TMCO6: variants seen among roughly 807,000 people sequenced by gnomAD.
TMCO6 encodes transmembrane and coiled-coil domains 6.
Under a neutral mutation model 61.8 loss-of-function variants are expected in TMCO6, and 47 were observed. The ratio of observed to expected loss-of-function variants is 0.76; its 90% confidence interval spans 0.60 to 0.97. The LOEUF (loss-of-function observed/expected upper bound fraction) is 0.97. TMCO6 is among the 50% of genes least tolerant of loss of function. The pLI is 0.00. For missense variants in TMCO6, 557 were observed against 601.6 expected, an observed-to-expected ratio of 0.93 and a Z score of 0.78; for synonymous variants, 261 against 254.2, an observed-to-expected ratio of 1.03 and a Z score of -0.25.
At chr5:140,621,353 T>C in the TMCO6 span, among the ~76,000 whole-genome samples, 1 of 152,196 alleles carries the variant, frequency 6.6e-6, no homozygotes, top group African/African-American at 2.4e-5. Context: ...AATTAATACT[T>C]TTATAATTTC....
the TMCO6 span, among the ~76,000 whole-genome samples, chr5:140,615,528 T>C: frequency 6.6e-6 from 1 of 152,120 alleles, no homozygotes; most frequent in Non-Finnish European, 1.5e-5. Context: ...ATCTCATACA[T>C]CCTGATTTCA....
intron 2 of TMCO6, 62 bp from the exon 3 acceptor site, chr5:140,641,603 G>A: frequency 4.1e-6 from 6 of 1,448,034 alleles, no homozygotes; most frequent in Non-Finnish European, 3.8e-6. Flanking sequence ...AGTGGGCAGA[G>A]AGAGACTTAG....
At chr5:140,601,925 G>A in the TMCO6 span, among the ~76,000 whole-genome samples, 65 of 152,250 alleles carry the variant, frequency 4.3e-4, no homozygotes, top group East Asian at 4.2e-3. Context: ...ATTTTTAAGC[G>A]AATACAATAA....
chr5:140,609,781 G>T, the TMCO6 span, among the ~76,000 whole-genome samples: 1 of 151,946 alleles, frequency 6.6e-6, no homozygotes, highest in African/African-American at 2.4e-5. Flanking sequence ...ACAACATTTT[G>T]TAGTTTTAAG....
chr5:140,612,575 G>A, the TMCO6 span, among the ~76,000 whole-genome samples: 178 of 152,086 alleles, frequency 1.2e-3, 1 homozygote, highest in African/African-American at 4.0e-3. Flanking sequence ...TCGCGACCTC[G>A]TGATCCACCC....
At chr5:140,603,174 C>T in the TMCO6 span, among the ~76,000 whole-genome samples, 2 of 152,160 alleles carry the variant, frequency 1.3e-5, no homozygotes, top group Non-Finnish European at 2.9e-5. Flanking sequence ...CCTCTCTCTC[C>T]CCTCCCCAGG....
chr5:140,620,533 GATA>G, the TMCO6 span, among the ~76,000 whole-genome samples: 1 of 152,182 alleles, frequency 6.6e-6, no homozygotes, highest in African/African-American at 2.4e-5. Context: ...AACTTTGAAT[GATA>G]ATGATGTGTC....
rs776702335 is a variant in TMCO6 at position 140,642,992 on chromosome 5, C to G, written c.757C>G (p.Pro253Ala). ...QMLQPGPKLN[P>A]GVAVEFAWCL... is the part of the protein sequence containing the mutation. ...GTTGCAACCTGGCCCAAAGCTCAACCCTGGGGTCGCTGTGGAGTTTGCCTG... is the reference window on the plus strand; with the variant it reads ...GTTGCAACCTGGCCCAAAGCTCAACGCTGGGGTCGCTGTGGAGTTTGCCTG... Residue 253 changes from proline to alanine, a missense_variant, in exon 7 of 12, where the codon CCT becomes GCT. By Grantham distance (27) the Pro-to-Ala change is conservative. Transcript: ENST00000394671. 4 of 1,614,210 alleles carry G rather than the reference C, an allele frequency of 2.5e-6. No individual in the cohort carries two copies. Among genetic ancestry groups the G allele is most frequent in the Middle Eastern group, 1.7e-4 (1 of 6,060 alleles).
chr5:140,612,715 C>T, the TMCO6 span, among the ~76,000 whole-genome samples: 1 of 152,210 alleles, frequency 6.6e-6, no homozygotes, highest in African/African-American at 2.4e-5. Context: ...AATCCTGTCC[C>T]CACACTGCTG....
chr5:140,644,799 C>T, intron 11 of TMCO6, 59 bp downstream of exon 11: 2 of 1,599,016 alleles, frequency 1.3e-6, no homozygotes, highest in Non-Finnish European at 1.7e-6. Context: ...ACAGTGGCTC[C>T]CTTCCCATCC....
intron 6 of TMCO6, 88 bp from the exon 7 acceptor site, chr5:140,642,837 T>G (rs1347705540): frequency 6.2e-7 from 1 of 1,607,938 alleles, no homozygotes; most frequent in Non-Finnish European, 8.5e-7. Flanking sequence ...GGCTTTGGGT[T>G]TGGACACTCT....
chr5:140,637,206 A>C (rs5744442), upstream of TMCO6, among the ~76,000 whole-genome samples: 2,932 of 152,302 alleles, frequency 0.019, 27 homozygotes, highest in Non-Finnish European at 0.028. Flanking sequence ...AGAAGGTCCC[A>C]GAAGAGGTGA....
Position 140,645,101 on chromosome 5 carries a change from T to C in TMCO6, c.*3T>C. 4.3e-6 allele frequency: 7 copies of C among 1,613,752 alleles called. No individual in the cohort carries two copies. The highest frequency in any genetic ancestry group is 5.1e-6 in the Non-Finnish European group (6 of 1,179,672). ...AGCAGACAGCTCTTCAAGGGTGATC[T>C]TGTTTCTCAATGTCACTCATTCCCC... is the stretch of plus-strand genomic sequence containing the variant. On this transcript the variant is annotated 3_prime_UTR_variant, in exon 12 of 12. Transcript: ENST00000394671.
chr5:140,637,970 T>G (rs1223678717), upstream of TMCO6, among the ~76,000 whole-genome samples: 1 of 144,622 alleles, frequency 6.9e-6, no homozygotes, highest in Non-Finnish European at 1.5e-5. Flanking sequence ...TTCTTTCTTT[T>G]CTCCCTTTCT....
chr5:140,647,588 G>A (rs988215320), downstream of TMCO6: 7 of 1,609,288 alleles, frequency 4.3e-6, no homozygotes, highest in Non-Finnish European at 5.9e-6. Context: ...CGCCATCCTT[G>A]TTAATATCGA....
At chr5:140,646,059 G>C (rs183371825), downstream of TMCO6, among the ~76,000 whole-genome samples, 288 of 148,326 alleles carry the variant, frequency 1.9e-3, no homozygotes, top group Non-Finnish European at 3.5e-3. Flanking sequence ...CACCCAGGCT[G>C]GAGTGTGGTG....
rs753338104 is a variant in TMCO6, at chr5:140,643,585, C to T, written c.828C>T (p.Leu276=). The change falls in exon 8 of 12, where the codon CTC becomes CTT. Residue 276 remains leucine, a synonymous_variant. Coordinates refer to ENST00000394671, the MANE Select transcript of TMCO6 (RefSeq NM_018502.5). ...CCAGCCAGGTCAGCAATCCTCTGCT[C>T]ATTGGCCATGGGGCTCTGTCTACTC... is the stretch of plus-strand genomic sequence containing the variant. ...IICSQVSNPL[L]IGHGALSTLG... is the part of the protein sequence containing the mutation. 3 of 1,614,056 alleles carry T rather than the reference C, an allele frequency of 1.9e-6. No homozygotes were observed. The highest frequency in any genetic ancestry group is 2.5e-6 in the Non-Finnish European group (3 of 1,180,022).
downstream of TMCO6, chr5:140,647,603 G>T: frequency 1.9e-6 from 3 of 1,606,066 alleles, no homozygotes; most frequent in Non-Finnish European, 1.7e-6. Flanking sequence ...TATCGAAGTC[G>T]CCAATTCCAG....
downstream of TMCO6, chr5:140,646,945 G>T: frequency 3.5e-6 from 1 of 287,902 alleles, no homozygotes; most frequent in Non-Finnish European, 6.6e-6. Context: ...GACTGACACT[G>T]GCTACACGTT....
Sources: allele counts gnomAD v4.1 joint callset (sites outside exome capture counted in the v4.1 genomes callset), GRCh38; gene constraint gnomAD v4.1.1; transcripts MANE v1.5; gene names NCBI Gene and HGNC (gene_info 2026-07-23, HGNC 2026-07-21).